Variants in RPTOR observed in about 807,000 individuals in gnomAD.
The protein encoded by RPTOR is regulatory-associated protein of mTOR.
Under a neutral mutation model 169.9 loss-of-function variants are expected in RPTOR, and 21 were observed. The observed-to-expected ratio is 0.12, with a 90% CI of 0.09 to 0.18. The LOEUF (loss-of-function observed/expected upper bound fraction) is 0.18. Ranked by LOEUF, RPTOR falls within the 10% of genes least tolerant of loss-of-function variation. The pLI is 1.00. For missense variants in RPTOR, 1,133 were observed against 1,855.9 expected (o/e 0.61, Z 7.16); for synonymous variants, 732 against 753.2 (o/e 0.97, Z 0.46).
intron 6 of RPTOR, among the ~76,000 whole-genome samples, chr17:80,781,749 A>C (rs1455483883): frequency 6.6e-6 from 1 of 152,236 alleles, no homozygotes; most frequent in Non-Finnish European, 1.5e-5. Context: ...ACCTATTGCT[A>C]TGGGAAGGCA....
Position 80,957,310 on chromosome 17 carries a change from G to A in RPTOR, c.3371-314G>A. ...GACTTGGGAGTTCCAGCTTAGAATT[G>A]TCACCCCGGCCTGGACTTGGGAGTT... is the stretch of plus-strand genomic sequence containing the variant. On this transcript the variant is annotated intron_variant, in intron 28 of 33. Transcript: ENST00000306801. The surrounding 1 kb of genome is among the most constrained non-coding windows in gnomAD (Gnocchi z 4.6). 6.9e-6 allele frequency among the ~76,000 whole-genome samples: 1 copy of A among 145,568 alleles called. No individual in the cohort carries two copies. Among genetic ancestry groups the A allele is most frequent in the African/African-American group, 2.6e-5 (1 of 38,676 alleles).
chr17:80,849,163 C>T (rs1350745891), intron 11 of RPTOR, among the ~76,000 whole-genome samples: 2 of 152,260 alleles, frequency 1.3e-5, no homozygotes, highest in African/African-American at 2.4e-5. Context: ...TCTTAAAAGC[C>T]TTTATTTTTG....
rs535535636 is a variant in RPTOR at position 80,659,668 on chromosome 17, G to A, written c.348+15858G>A. Among the ~76,000 whole-genome samples the A allele has an allele frequency of 4.2e-4, 64 of 152,002 alleles. 1 individual carries two copies. Among genetic ancestry groups the A allele is most frequent in the African/African-American group, 9.9e-4 (41 of 41,474 alleles). The stretch of plus-strand genomic sequence containing the variant: ...ACTACGGGCACGCACCAGCACACTC[G>A]GCTAATTTCTGTATTTTTAGTAGAG... On this transcript the variant is annotated intron_variant, in intron 3 of 33. Coordinates refer to ENST00000306801, the MANE Select transcript of RPTOR (RefSeq NM_020761.3). The surrounding 1 kb of genome is among the most constrained non-coding windows in gnomAD (Gnocchi z 4.3).
intron 5 of RPTOR, among the ~76,000 whole-genome samples, chr17:80,752,159 G>A (rs1478387596): frequency 1.3e-5 from 2 of 152,220 alleles, no homozygotes; most frequent in Non-Finnish European, 2.9e-5. Flanking sequence ...CCTGTGGTGT[G>A]TTCTTCTTGT....
At chr17:80,555,251 C>T (rs2084394083) in intron 1 of RPTOR, among the ~76,000 whole-genome samples, 2 of 152,236 alleles carry the variant, frequency 1.3e-5, no homozygotes, top group Non-Finnish European at 2.9e-5. Context: ...TTTCCATTCG[C>T]TCTGCCTAAA....
intron 13 of RPTOR, among the ~76,000 whole-genome samples, chr17:80,875,882 G>C (rs1408002762): frequency 8.1e-6 from 1 of 124,168 alleles, no homozygotes; most frequent in South Asian, 2.9e-4. Flanking sequence ...CCCGTGCCAC[G>C]CAGGGTGTGT....
intron 20 of RPTOR, among the ~76,000 whole-genome samples, chr17:80,905,553 G>T (rs1033770317): frequency 6.6e-6 from 1 of 150,878 alleles, no homozygotes; most frequent in Non-Finnish European, 1.5e-5. Flanking sequence ...CCGGGATCGC[G>T]CTGCTGCACT....
intron 1 of RPTOR, among the ~76,000 whole-genome samples, chr17:80,546,576 C>T (rs1279502127): frequency 6.6e-6 from 1 of 152,180 alleles, no homozygotes; most frequent in Non-Finnish European, 1.5e-5. Context: ...TACTGCTTCT[C>T]CTCTATGCAC....
chr17:80,858,918 A>T (rs2067886503), intron 13 of RPTOR, among the ~76,000 whole-genome samples: 1 of 152,228 alleles, frequency 6.6e-6, no homozygotes, highest in East Asian at 1.9e-4. Context: ...AAAGACATCA[A>T]AGAATGAAGC....
At chr17:80,774,182 T>A (rs4969411) in intron 6 of RPTOR, 1 of 985,112 alleles carries the variant, frequency 1.0e-6, no homozygotes, top group Non-Finnish European at 1.2e-6. Context: ...GGAGTCTGGA[T>A]GTCAAGCTGG....
chr17:80,717,046 A>G (rs1210267239), intron 4 of RPTOR, among the ~76,000 whole-genome samples: 2 of 152,216 alleles, frequency 1.3e-5, no homozygotes, highest in African/African-American at 2.4e-5. Flanking sequence ...TGCTTCGGCT[A>G]TGCAGGCTGT....
At chr17:80,791,756 TAA>T (rs1471579467) in intron 7 of RPTOR, among the ~76,000 whole-genome samples, 2 of 152,222 alleles carry the variant, frequency 1.3e-5, no homozygotes, top group Non-Finnish European at 2.9e-5. Context: ...TTTGAACATT[TAA>T]AAAGTCTCCA....
chr17:80,557,458 A>G (rs2084423921), intron 1 of RPTOR, among the ~76,000 whole-genome samples: 1 of 151,970 alleles, frequency 6.6e-6, no homozygotes, highest in Non-Finnish European at 1.5e-5. Flanking sequence ...TGGAGGTTTC[A>G]GTGAGCCAAG....
chr17:80,723,152 A>C (rs981085412), intron 4 of RPTOR, among the ~76,000 whole-genome samples: 1 of 151,226 alleles, frequency 6.6e-6, no homozygotes, highest in African/African-American at 2.5e-5. Flanking sequence ...GCAGATACCA[A>C]CCTTGATCAC....
At chr17:80,789,993 GAA>G (rs1424074485) in intron 6 of RPTOR, among the ~76,000 whole-genome samples, 3 of 152,242 alleles carry the variant, frequency 2.0e-5, no homozygotes, top group Non-Finnish European at 4.4e-5. Context: ...ACTCAGATTT[GAA>G]AATGCATTTC....
At position 80,894,039 on chromosome 17, in the gene RPTOR, C is replaced by T. The variant is rs773316017; in HGVS notation, c.2401+174C>T. Among the ~76,000 whole-genome samples, 15 of 152,282 alleles carry T rather than the reference C, an allele frequency of 9.9e-5. No homozygotes were observed. The highest frequency in any genetic ancestry group is 3.9e-4 in the East Asian group (2 of 5,182). On this transcript the variant is annotated intron_variant, in intron 20 of 33. Transcript: ENST00000306801. ...AGGGAGAACGTTTTGCTGGGGCAAGCGGGAAAGTTGACATCACTGTTGTGT... is the reference window on the plus strand; with the variant it reads ...AGGGAGAACGTTTTGCTGGGGCAAGTGGGAAAGTTGACATCACTGTTGTGT...
intron 12 of RPTOR, among the ~76,000 whole-genome samples, chr17:80,857,518 G>C (rs1303424372): frequency 6.6e-6 from 1 of 152,240 alleles, no homozygotes; most frequent in Admixed American, 6.5e-5. Context: ...GGCGCAAGCA[G>C]CCTGCGCCTC....
In RPTOR at chr17:80,823,934, A is replaced by G. The variant is rs1223847004; in HGVS notation, c.1136+711A>G. On this transcript the variant is annotated intron_variant, in intron 9 of 33. Transcript: ENST00000306801. The surrounding 1 kb of genome is among the most constrained non-coding windows in gnomAD (Gnocchi z 4.5). ...GTTCATCAATGGGAGAAACCCTAAC[A>G]ACACAAATATTTTTAAAAGAGCGAT... is the stretch of plus-strand genomic sequence containing the variant. Among the ~76,000 whole-genome samples the G allele has an allele frequency of 6.6e-6, 1 of 152,238 alleles. No individual in the cohort carries two copies. The highest frequency in any genetic ancestry group is 1.5e-5 in the Non-Finnish European group (1 of 68,044).
chr17:80,868,574 C>G (rs1048456744), intron 13 of RPTOR, among the ~76,000 whole-genome samples: 3 of 152,188 alleles, frequency 2.0e-5, no homozygotes, highest in African/African-American at 7.2e-5. Flanking sequence ...TTCACAGTTT[C>G]TTATAAAGAT....
Sources: allele counts gnomAD v4.1 joint callset (sites outside exome capture counted in the v4.1 genomes callset), GRCh38; gene constraint gnomAD v4.1.1; non-coding constraint Gnocchi (gnomAD v3.1); transcripts MANE v1.5; gene names NCBI Gene and HGNC (gene_info 2026-07-23, HGNC 2026-07-21).